Variants in ENPP2 observed in about 807,000 individuals in gnomAD.
ENPP2 encodes the protein autotaxin.
ENPP2 carries 51 observed loss-of-function variants against 120.2 expected under a neutral mutation model. The observed-to-expected ratio is 0.42, with a 90% CI of 0.34 to 0.54. The LOEUF (loss-of-function observed/expected upper bound fraction) is 0.54, where lower values mean the gene tolerates loss of function less well. Ranked by LOEUF, ENPP2 falls within the 20% of genes least tolerant of loss-of-function variation. The pLI, the probability that ENPP2 is intolerant of heterozygous loss-of-function variation, is 0.04. For missense variants in ENPP2, 920 were observed against 1,066.5 expected, an observed-to-expected ratio of 0.86 and a Z score of 1.91; for synonymous variants, 365 against 366.4, an observed-to-expected ratio of 1.00 and a Z score of 0.04.
chr8:119,640,655 G>A (rs549386015), upstream of ENPP2, among the ~76,000 whole-genome samples: 1 of 152,266 alleles, frequency 6.6e-6, no homozygotes, highest in East Asian at 1.9e-4. Context: ...CTGGGCAGGG[G>A]GAAAAGCTGT....
rs1039809601 is a variant in ENPP2 at position 119,557,396 on chromosome 8, T to C, written c.*125A>G. 1.1e-5 allele frequency: 8 copies of C among 735,590 alleles called. No individual in the cohort carries two copies. Among genetic ancestry groups the C allele is most frequent in the Non-Finnish European group, 1.3e-5 (6 of 464,480 alleles). The allele number at this position is 735,590 out of a possible 1,614,324, so 45.6% of individuals were successfully genotyped here. A position where few individuals can be genotyped will look rare whatever the true frequency, so the allele number is the denominator to read the frequency against. ...ACAGTGGAGTCATTCAGGCATAATA[T>C]GTCAGATTTGGTACAGGATTAAAAT... On this transcript the variant is annotated 3_prime_UTR_variant, in exon 25 of 25. Transcript: ENST00000075322.
chr8:119,623,780 C>G (rs1020673104), intron 3 of ENPP2, among the ~76,000 whole-genome samples: 1 of 152,050 alleles, frequency 6.6e-6, no homozygotes, highest in Admixed American at 6.5e-5. Context: ...TGCCTCCCCC[C>G]ATGCCTGGGT....
At chr8:119,629,149 G>A (rs1037334473) in intron 2 of ENPP2, among the ~76,000 whole-genome samples, 1 of 151,882 alleles carries the variant, frequency 6.6e-6, no homozygotes, top group Non-Finnish European at 1.5e-5. Context: ...TGTCATATAT[G>A]TATGTGTGGG....
At chr8:119,557,810 A>G (rs1241406382) in intron 24 of ENPP2, 119 bp from the exon 25 acceptor site, 10 of 750,592 alleles carry the variant, frequency 1.3e-5, no homozygotes, top group Middle Eastern at 3.9e-4. Flanking sequence ...GAGCCAACGC[A>G]TGTTGATCCT....
At chr8:119,623,992 G>T (rs1816095277) in intron 3 of ENPP2, among the ~76,000 whole-genome samples, 1 of 152,074 alleles carries the variant, frequency 6.6e-6, no homozygotes, top group Admixed American at 6.5e-5. Context: ...GCTTAGAATT[G>T]CTTTTCCCAT....
At chr8:119,669,832 T>A (rs1818189151) in intron 1 of ENPP2, among the ~76,000 whole-genome samples, 3 of 152,232 alleles carry the variant, frequency 2.0e-5, no homozygotes, top group African/African-American at 7.2e-5. Flanking sequence ...TAACTCCCTA[T>A]CAAAGTTAAT....
chr8:119,561,562 C>T (rs1813933132), intron 24 of ENPP2, among the ~76,000 whole-genome samples: 3 of 152,078 alleles, frequency 2.0e-5, no homozygotes, highest in Admixed American at 2.0e-4. Flanking sequence ...TTCCATCTGT[C>T]CCTGAGTGTC....
intron 18 of ENPP2, chr8:119,580,489 C>T (rs1479016242): frequency 1.4e-5 from 4 of 284,882 alleles, no homozygotes; most frequent in South Asian, 6.2e-5. Context: ...ATTAGGATAG[C>T]GCCTAAATGT....
At chr8:119,634,191 A>C (rs62528902) in intron 2 of ENPP2, among the ~76,000 whole-genome samples, 19 of 147,726 alleles carry the variant, frequency 1.3e-4, no homozygotes, top group East Asian at 2.0e-4. Context: ...TCAAAAAATA[A>C]ATACATACAT....
At chr8:119,623,182 C>T (rs1816026581) in intron 3 of ENPP2, among the ~76,000 whole-genome samples, 5 of 151,964 alleles carry the variant, frequency 3.3e-5, no homozygotes, top group South Asian at 2.1e-4. Context: ...AGAGATATTA[C>T]GGGCCAGGCT....
chr8:119,624,008 G>A (rs1009354121), intron 3 of ENPP2, among the ~76,000 whole-genome samples: 1 of 152,068 alleles, frequency 6.6e-6, no homozygotes, highest in African/African-American at 2.4e-5. Flanking sequence ...CCCATGACCT[G>A]CTCTTCCCAA....
chr8:119,573,407 T>TAAAAA lies in ENPP2; in HGVS notation c.1781-2567_1781-2566insTTTTT, dbSNP rs1563680979. On this transcript the variant is annotated intron_variant, in intron 19 of 24. Coordinates refer to ENST00000075322, the MANE Select transcript of ENPP2 (RefSeq NM_001040092.3). The stretch of plus-strand genomic sequence containing the variant: ...AGGTGACAGAGCGAGGCTCCGTCTC[T>TAAAAA]TAAAAAAAAAAAAAAAAAAGATTCA... Among the ~76,000 whole-genome samples, 20 of 71,548 alleles carry TAAAAA rather than the reference T, an allele frequency of 2.8e-4. 1 individual carries two copies. Among genetic ancestry groups the TAAAAA allele is most frequent in the African/African-American group, 1.2e-3 (17 of 14,078 alleles). The allele number at this position is 71,548 out of a possible 152,430, so 46.9% of individuals were successfully genotyped here.
At chr8:119,569,930 T>A (rs1814823115) in intron 20 of ENPP2, among the ~76,000 whole-genome samples, 2 of 152,054 alleles carry the variant, frequency 1.3e-5, no homozygotes, top group African/African-American at 4.8e-5. Context: ...TACCTATTTA[T>A]CTCATCTTCA....
intron 1 of ENPP2, among the ~76,000 whole-genome samples, chr8:119,671,132 C>CAAAAAAAAAAAAA (rs371191607): frequency 8.7e-6 from 1 of 115,210 alleles, no homozygotes; most frequent in African/African-American, 3.4e-5. Context: ...ACTAAAAATA[C>CAAAAAAAAAAAAA]AAAAAAAAAA....
intron 23 of ENPP2, 117 bp from the exon 24 acceptor site, chr8:119,563,130 A>T (rs2129945497): frequency 1.2e-6 from 1 of 830,350 alleles, no homozygotes; most frequent in East Asian, 2.8e-5. Flanking sequence ...CATTCAATTG[A>T]ATCATTTTTC....
Position 119,601,402 on chromosome 8 carries a change from A to G in ENPP2, c.894T>C (p.His298=). 6.3e-7 allele frequency: 1 copy of G among 1,598,330 alleles called. No homozygotes were observed. Among genetic ancestry groups the G allele is most frequent in the African/African-American group, 1.3e-5 (1 of 74,754 alleles). Residue 298 remains histidine, a synonymous_variant, in exon 10 of 25, where the codon CAT becomes CAC. Coordinates refer to ENST00000075322, the MANE Select transcript of ENPP2 (RefSeq NM_001040092.3). ...TILQWLTLPD[H]ERPSVYAFYS... is the part of the protein sequence containing the mutation. ...AGAAAGAGAGAAATAAATACCTCTC[A>G]TGATCTGGCAGGGTGAGCCACTGCA...
At chr8:119,595,811 C>A (rs776380226) in intron 11 of ENPP2, 53 of 1,608,772 alleles carry the variant, frequency 3.3e-5, no homozygotes, top group Non-Finnish European at 4.1e-5. Flanking sequence ...CTCAGACCTG[C>A]CCGCCACAAA....
chr8:119,632,463 A>C (rs1816744816), intron 2 of ENPP2, among the ~76,000 whole-genome samples: 2 of 152,358 alleles, frequency 1.3e-5, no homozygotes, highest in Non-Finnish European at 1.5e-5. Context: ...TTTTACTTCA[A>C]AGATGCAAGT....
chr8:119,636,169 T>G (rs1816988567), intron 2 of ENPP2, among the ~76,000 whole-genome samples: 2 of 152,224 alleles, frequency 1.3e-5, no homozygotes, highest in Admixed American at 6.5e-5. Context: ...CTTATAAAAT[T>G]CACCCAGTAT....
Sources: allele counts gnomAD v4.1 joint callset (sites outside exome capture counted in the v4.1 genomes callset), GRCh38; gene constraint gnomAD v4.1.1; transcripts MANE v1.5; gene names NCBI Gene and HGNC (gene_info 2026-07-23, HGNC 2026-07-21).